CSF2RA: variants seen among roughly 807,000 people sequenced by gnomAD.
CSF2RA encodes the protein granulocyte-macrophage colony-stimulating factor receptor subunit alpha.
Under a neutral mutation model 51.6 loss-of-function variants are expected in CSF2RA, and 42 were observed. That is an observed-to-expected ratio of 0.81 (90% confidence interval 0.64 to 1.05). CSF2RA has a LOEUF of 1.05. Among genes scored for constraint, CSF2RA ranks in the 50% least tolerant of loss-of-function variants. The probability of loss-of-function intolerance (pLI) is 0.00; values close to 1 mark genes in which losing one functional copy is unlikely to be tolerated. For missense variants in CSF2RA, 530 were observed against 501.1 expected, an observed-to-expected ratio of 1.06 and a Z score of -0.55; for synonymous variants, 222 against 193.0, an observed-to-expected ratio of 1.15 and a Z score of -1.24.
In CSF2RA at chrX:1,288,804, A is replaced by C; in HGVS notation, c.389A>C (p.Asn130Thr). The C allele has an allele frequency of 6.2e-7, 1 of 1,613,912 alleles. No individual in the cohort carries two copies. The highest frequency in any genetic ancestry group is 8.5e-7 in the Non-Finnish European group (1 of 1,179,850). The change falls in exon 6 of 13, where the codon AAT (asparagine) becomes ACT (threonine). Residue 130 changes from asparagine (N) to threonine (T), a missense_variant. Transcript: ENST00000381529. ...CAGAATTTCTCCTGTTTCATCTACA[A>C]TGCGGATTTAATGAACTGTACCTGG... ...AAQNFSCFIYNADLMNCTWAR... is the reference protein window; with the variant it reads ...AAQNFSCFIYTADLMNCTWAR...
intron 1 of CSF2RA, among the ~76,000 whole-genome samples, chrX:1,270,015 A>G (rs1185202058): frequency 6.6e-6 from 1 of 151,876 alleles, no homozygotes; most frequent in African/African-American, 2.4e-5. Flanking sequence ...AGGCTGAGGC[A>G]GGAGAATCGC....
the CSF2RA span, among the ~76,000 whole-genome samples, chrX:1,322,998 G>A: frequency 1.0e-3 from 158 of 151,642 alleles, 1 homozygote; most frequent in Admixed American, 3.6e-3. Flanking sequence ...GCGTGGTGGC[G>A]GGCGCCTGTG....
rs28635336 is a variant in CSF2RA at position 1,303,672 on chromosome X, G to A, written c.947-251G>A. ...ATGACAGGCGTGAGCCACCGCATCC[G>A]GCCCATGGTGGCAAAGTTTTAACAG... On this transcript the variant is annotated intron_variant, in intron 10 of 12. Coordinates refer to ENST00000381529, the MANE Select transcript of CSF2RA (RefSeq NM_172245.4). 0.027 allele frequency among the ~76,000 whole-genome samples: 4,064 copies of A among 152,216 alleles called. 177 individuals carry two copies. Among genetic ancestry groups the A allele is most frequent in the African/African-American group, 0.093 (3,877 of 41,530 alleles).
intron 4 of CSF2RA, among the ~76,000 whole-genome samples, chrX:1,286,648 T>C (rs2090707197): frequency 6.6e-6 from 1 of 152,128 alleles, no homozygotes; most frequent in Non-Finnish European, 1.5e-5. Context: ...GTGTGGTATT[T>C]GGAGAAATGT....
At chrX:1,277,188 AC>A (rs2089290625) in intron 2 of CSF2RA, among the ~76,000 whole-genome samples, 1 of 151,884 alleles carries the variant, frequency 6.6e-6, no homozygotes, top group African/African-American at 2.4e-5. Context: ...GCTCATTATA[AC>A]CCCTTCCTAC....
At chrX:1,305,686 C>T in intron 12 of CSF2RA, 159 bp downstream of exon 12, 1 of 1,573,824 alleles carries the variant, frequency 6.4e-7, no homozygotes, top group South Asian at 1.1e-5. Flanking sequence ...CCTGGGCCTT[C>T]TCCCGGGTCG....
chrX:1,303,989 G>A lies in CSF2RA; in HGVS notation c.1013G>A (p.Cys338Tyr), dbSNP rs776147936. 4 of 1,613,044 alleles carry A rather than the reference G, an allele frequency of 2.5e-6. No homozygotes were observed. The highest frequency in any genetic ancestry group is 3.4e-6 in the Non-Finnish European group (4 of 1,179,754). Residue 338 changes from cysteine (C) to tyrosine (Y), a missense_variant, in exon 11 of 13, where the codon TGT becomes TAT. Coordinates refer to ENST00000381529, the MANE Select transcript of CSF2RA (RefSeq NM_172245.4). Reference sequence around the variant, plus strand: ...CTCCTAATCGTGGGAACCCTTGTCTGTGGCATCGTCCTCGGCTTCCTCTTT... The same window carrying A: ...CTCCTAATCGTGGGAACCCTTGTCTATGGCATCGTCCTCGGCTTCCTCTTT... ...YVLLIVGTLV[C>Y]GIVLGFLFKR...
chrX:1,273,828 G>A (rs2148042641), intron 1 of CSF2RA, among the ~76,000 whole-genome samples: 1 of 145,296 alleles, frequency 6.9e-6, no homozygotes, highest in East Asian at 2.0e-4. Context: ...TCGATCTCCT[G>A]GCCTCATGAT....
the CSF2RA span, among the ~76,000 whole-genome samples, chrX:1,323,858 C>CA: frequency 9.2e-5 from 14 of 151,436 alleles, no homozygotes; most frequent in South Asian, 4.2e-4. Flanking sequence ...AATAAAAATA[C>CA]AAAAAATTAG....
chrX:1,296,377 G>C (rs113004548), intron 9 of CSF2RA, among the ~76,000 whole-genome samples: 1,529 of 21,530 alleles, frequency 0.071, 22 homozygotes, highest in Non-Finnish European at 0.082. Flanking sequence ...CTCACGACCC[G>C]TACAGTCTCC....
At chrX:1,289,889 GTT>G (rs369868578) in intron 6 of CSF2RA, among the ~76,000 whole-genome samples, 4 of 72,984 alleles carry the variant, frequency 5.5e-5, no homozygotes, top group African/African-American at 1.7e-4. Context: ...TTTGTGTTTT[GTT>G]TTGTTTTGTG....
chrX:1,275,455 G>A (rs1293596780), intron 2 of CSF2RA, among the ~76,000 whole-genome samples: 1 of 152,044 alleles, frequency 6.6e-6, no homozygotes, highest in Non-Finnish European at 1.5e-5. Context: ...GAAGGCCCAG[G>A]GAAAATAGTC....
chrX:1,269,320 CG>C (rs1417690349), intron 1 of CSF2RA, among the ~76,000 whole-genome samples: 1 of 152,014 alleles, frequency 6.6e-6, no homozygotes, highest in African/African-American at 2.4e-5. Context: ...ATCCGGAAGC[CG>C]TTTCGAGAGA....
At chrX:1,311,752 T>C (rs1373265518), downstream of CSF2RA, among the ~76,000 whole-genome samples, 38 of 152,166 alleles carry the variant, frequency 2.5e-4, no homozygotes, top group African/African-American at 8.7e-4. Context: ...AATAAACCTC[T>C]CTTTAAAATA....
At chrX:1,294,496 G>C (rs772577090) in intron 8 of CSF2RA, 35 bp downstream of exon 8, 1 of 1,613,342 alleles carries the variant, frequency 6.2e-7, no homozygotes, top group South Asian at 1.1e-5. Context: ...GGCACCAGGA[G>C]GGAGGCGTAC....
chrX:1,303,047 T>G (rs1222166605), intron 10 of CSF2RA: 2 of 237,612 alleles, frequency 8.4e-6, no homozygotes, highest in African/African-American at 5.0e-5. Flanking sequence ...TTTTGTATTT[T>G]TATTTTTATT....
chrX:1,287,800 G>C (rs1245069234), intron 4 of CSF2RA, among the ~76,000 whole-genome samples: 1 of 134,826 alleles, frequency 7.4e-6, no homozygotes, highest in African/African-American at 2.8e-5. Flanking sequence ...GCACTGGCGT[G>C]ATCTCAGCTC....
the CSF2RA span, among the ~76,000 whole-genome samples, chrX:1,318,149 C>T: frequency 5.0e-5 from 7 of 140,224 alleles, no homozygotes; most frequent in East Asian, 2.0e-4. Flanking sequence ...CCACCACGCC[C>T]GGCTAATTTT....
intron 1 of CSF2RA, among the ~76,000 whole-genome samples, chrX:1,271,104 C>A (rs2088339961): frequency 6.6e-6 from 1 of 151,912 alleles, no homozygotes; most frequent in Non-Finnish European, 1.5e-5. Context: ...GATTGGGGTA[C>A]TAAGAGTCTG....
Sources: allele counts gnomAD v4.1 joint callset (sites outside exome capture counted in the v4.1 genomes callset), GRCh38; gene constraint gnomAD v4.1.1; transcripts MANE v1.5; gene names NCBI Gene and HGNC (gene_info 2026-07-23, HGNC 2026-07-21).